The following STK32B variants were observed in gnomAD, a reference collection of about 807,000 sequenced individuals.
STK32B encodes the protein serine/threonine kinase 32B.
A neutral mutation model predicts 52.6 loss-of-function variants in STK32B; 43 were observed. The observed-to-expected ratio is 0.82, with a 90% CI of 0.64 to 1.05. The LOEUF is 1.05. Ranked by LOEUF, STK32B falls within the 50% of genes least tolerant of loss-of-function variation. The pLI, the probability that STK32B is intolerant of heterozygous loss-of-function variation, is 0.00. For synonymous variants in STK32B, 238 were observed against 204.3 expected, an observed-to-expected ratio of 1.17 and a Z score of -1.41; for missense variants, 621 against 534.6, an observed-to-expected ratio of 1.16 and a Z score of -1.59.
chr4:5,410,674 C>T (rs910526623), intron 5 of STK32B, among the ~76,000 whole-genome samples: 18 of 152,174 alleles, frequency 1.2e-4, no homozygotes, highest in African/African-American at 4.3e-4. Context: ...GTTATTCCAT[C>T]AGGTTGCTGC....
At chr4:5,444,630 G>A (rs964156351) in intron 6 of STK32B, among the ~76,000 whole-genome samples, 6 of 152,100 alleles carry the variant, frequency 3.9e-5, no homozygotes, top group African/African-American at 7.2e-5. Context: ...TCCTCCCCCC[G>A]CCTTGGGCAT....
chr4:5,192,791 T>C lies in STK32B; in HGVS notation c.260+24341T>C, dbSNP rs144937543. ...GTACACAAGTCGTTCTTACCAGCTG[T>C]TGTCACCATGCTGTACATTAGAGCC... is the stretch of plus-strand genomic sequence containing the variant. On this transcript the variant is annotated intron_variant, in intron 3 of 11. Transcript: ENST00000282908. Among the ~76,000 whole-genome samples, 1,081 of 152,298 alleles carry C rather than the reference T, an allele frequency of 7.1e-3. 8 individuals are homozygous for C. Among genetic ancestry groups the C allele is most frequent in the Middle Eastern group, 0.017 (5 of 294 alleles).
At chr4:5,309,768 T>A (rs1730168231) in intron 3 of STK32B, among the ~76,000 whole-genome samples, 1 of 152,228 alleles carries the variant, frequency 6.6e-6, no homozygotes, top group Non-Finnish European at 1.5e-5. Flanking sequence ...TACCTGAATC[T>A]GTGAAACTTC....
intron 9 of STK32B, among the ~76,000 whole-genome samples, chr4:5,462,158 T>C (rs1717076173): frequency 6.6e-6 from 1 of 150,956 alleles, no homozygotes; most frequent in South Asian, 2.1e-4. Flanking sequence ...TACCCATGTG[T>C]CTGTGTGTCT....
chr4:5,079,750 G>A (rs62291652), intron 1 of STK32B, among the ~76,000 whole-genome samples: 1 of 152,026 alleles, frequency 6.6e-6, no homozygotes, highest in African/African-American at 2.4e-5. Context: ...TCCCAGCTGG[G>A]CCAGGCCACT....
At chr4:5,459,513 C>A in intron 8 of STK32B, among the ~76,000 whole-genome samples, 1 of 152,198 alleles carries the variant, frequency 6.6e-6, no homozygotes, top group Non-Finnish European at 1.5e-5. Context: ...AGTAGATAAG[C>A]TACAGGGTTT....
chr4:5,161,603 A>G (rs1718451704), intron 2 of STK32B, among the ~76,000 whole-genome samples: 2 of 152,162 alleles, frequency 1.3e-5, no homozygotes, highest in Admixed American at 6.5e-5. Flanking sequence ...GCAAACTAAC[A>G]TCTCCTTGGC....
At chr4:5,188,162 C>T (rs1318686562) in intron 3 of STK32B, among the ~76,000 whole-genome samples, 1 of 152,148 alleles carries the variant, frequency 6.6e-6, no homozygotes, top group Non-Finnish European at 1.5e-5. Context: ...GAATAATATC[C>T]TATAAATTTG....
At chr4:5,246,128 A>G (rs973660978) in intron 3 of STK32B, among the ~76,000 whole-genome samples, 1 of 152,136 alleles carries the variant, frequency 6.6e-6, no homozygotes, top group Admixed American at 6.5e-5. Flanking sequence ...CTGCCTTGCT[A>G]GATTGGGGAA....
At chr4:5,280,939 G>T (rs1247313778) in intron 3 of STK32B, among the ~76,000 whole-genome samples, 1 of 151,946 alleles carries the variant, frequency 6.6e-6, no homozygotes, top group African/African-American at 2.4e-5. Context: ...AAACAAAAAA[G>T]ACATACCTGA....
At chr4:5,301,188 T>C (rs530591494) in intron 3 of STK32B, among the ~76,000 whole-genome samples, 2 of 152,206 alleles carry the variant, frequency 1.3e-5, no homozygotes, top group African/African-American at 4.8e-5. Flanking sequence ...CTAGCTTTCG[T>C]TGAGGATTTC....
intron 1 of STK32B, among the ~76,000 whole-genome samples, chr4:5,054,513 T>TG (rs34238647): frequency 0.27 from 37,104 of 137,694 alleles, 4,928 homozygotes; most frequent in East Asian, 0.51. Context: ...CTGGCTCATG[T>TG]GGGGGGATTG....
chr4:5,445,501 G>A (rs754148508), intron 6 of STK32B, among the ~76,000 whole-genome samples: 1 of 152,016 alleles, frequency 6.6e-6, no homozygotes, highest in Non-Finnish European at 1.5e-5. Flanking sequence ...AATGCACTCC[G>A]GGCCTAGTGA....
At chr4:5,307,833 T>TTTCC (rs1393640215) in intron 3 of STK32B, among the ~76,000 whole-genome samples, 1 of 148,648 alleles carries the variant, frequency 6.7e-6, no homozygotes, top group African/African-American at 2.4e-5. Context: ...TTTGATGTGG[T>TTTCC]GCTTTCCCCT....
At chr4:5,323,459 G>T (rs1337095571) in intron 3 of STK32B, among the ~76,000 whole-genome samples, 1 of 152,170 alleles carries the variant, frequency 6.6e-6, no homozygotes, top group East Asian at 1.9e-4. Flanking sequence ...ACCCTGCAAG[G>T]GAGGGAGACG....
chr4:5,019,542 GCAGGCTGCGGTCCATC>G, the STK32B span: 21 of 1,294,396 alleles, frequency 1.6e-5, no homozygotes, highest in African/African-American at 2.7e-4. Context: ...TGGGGCCAGC[GCAGGCTGCGGTCCATC>G]CAGGGTGGCA....
chr4:5,426,809 A>G (rs1030892742), intron 6 of STK32B: 1 of 151,842 alleles, frequency 6.6e-6, no homozygotes, highest in African/African-American at 2.4e-5. Flanking sequence ...TATATATTCT[A>G]AAAATATTTT....
chr4:5,148,017 A>G (rs1008651578), intron 2 of STK32B, among the ~76,000 whole-genome samples: 6 of 151,944 alleles, frequency 3.9e-5, no homozygotes, highest in Non-Finnish European at 8.8e-5. Flanking sequence ...AAATGAAGTT[A>G]TCTGGGTATA....
intron 11 of STK32B, among the ~76,000 whole-genome samples, chr4:5,496,548 C>CCTGCTTCTTCTCGCGCACGGTGCG: frequency 7.2e-6 from 1 of 137,994 alleles, no homozygotes; most frequent in African/African-American, 3.3e-5. Context: ...AATGCCTTGC[C>CCTGCTTCTTCTCGCGCACGGTGCG]CTGCACCCAC....
Sources: gnomAD v4.1 joint callset for allele counts (sites outside exome capture counted in the v4.1 genomes callset) on GRCh38, gnomAD v4.1.1 for gene constraint, MANE v1.5 for transcripts, NCBI Gene and HGNC (gene_info 2026-07-23, HGNC 2026-07-21) for gene names.